Variants in PIK3CB observed in about 807,000 individuals in gnomAD.
PIK3CB encodes phosphatidylinositol-4,5-bisphosphate 3-kinase catalytic subunit beta, also known as phosphatidylinositol 4,5-bisphosphate 3-kinase catalytic subunit beta isoform.
PIK3CB carries 39 observed loss-of-function variants against 136.8 expected under a neutral mutation model. The ratio of observed to expected loss-of-function variants is 0.29; its 90% CI spans 0.22 to 0.37. The LOEUF is 0.37. Among genes scored for constraint, PIK3CB ranks in the 10% least tolerant of loss-of-function variants. The pLI is 1.00. For synonymous variants in PIK3CB, 428 were observed against 436.6 expected, an observed-to-expected ratio of 0.98 and a Z score of 0.25; for missense variants, 868 against 1,275.4, an observed-to-expected ratio of 0.68 and a Z score of 4.87.
At chr3:138,723,258 G>A (rs1340893094) in intron 8 of PIK3CB, among the ~76,000 whole-genome samples, 1 of 152,048 alleles carries the variant, frequency 6.6e-6, no homozygotes, top group Non-Finnish European at 1.5e-5. Flanking sequence ...TTTATTTAAA[G>A]TATGATTTAA....
chr3:138,770,606 A>C (rs997785914), intron 2 of PIK3CB: 22 of 151,868 alleles, frequency 1.4e-4, no homozygotes, highest in African/African-American at 5.1e-4. Flanking sequence ...GCTACTCGGG[A>C]GGGTGAGGCA....
intron 14 of PIK3CB, among the ~76,000 whole-genome samples, chr3:138,692,598 T>C (rs1221775193): frequency 6.6e-6 from 1 of 152,230 alleles, no homozygotes; most frequent in Non-Finnish European, 1.5e-5. Context: ...AGTATAGGAA[T>C]AGGAAGCTGT....
At chr3:138,709,331 A>G (rs2044446403) in intron 10 of PIK3CB, among the ~76,000 whole-genome samples, 1 of 152,138 alleles carries the variant, frequency 6.6e-6, no homozygotes, top group African/African-American at 2.4e-5. Context: ...ATGGGGGGAA[A>G]AACAGTTCTC....
Position 138,657,587 on chromosome 3 carries a change from T to G in PIK3CB, c.2942+103A>C, listed in dbSNP as rs1268567558. ...AAAAGCTTCCTATAATCAGACTGAA[T>G]ATCTCCCAGATCCAAATATATCTCA... On this transcript the variant is annotated intron_variant, in intron 22 of 23. Coordinates refer to ENST00000674063, the MANE Select transcript of PIK3CB (RefSeq NM_006219.3). 5.9e-6 allele frequency: 6 copies of G among 1,025,012 alleles called. No individual in the cohort carries two copies. The African/African-American group carries it at 9.9e-5, about 17-fold the overall frequency. The allele number at this position is 1,025,012 out of a possible 1,614,324, so 63.5% of individuals were successfully genotyped here.
At chr3:138,825,503 CA>C (rs1304805025) in intron 1 of PIK3CB, 18 of 687,580 alleles carry the variant, frequency 2.6e-5, no homozygotes, top group Admixed American at 1.3e-4. Flanking sequence ...AACCCCGACA[CA>C]GTAGCATTTG....
rs141078147 is a variant in PIK3CB at position 138,815,236 on chromosome 3, A to C, written c.-121-18669T>G. Reference sequence around the variant, plus strand: ...GTCTGGTGTGGTGGTGTATTCCTGCAGTCCCAGCTACTCTGGAGGCTCAGG... The same window carrying C: ...GTCTGGTGTGGTGGTGTATTCCTGCCGTCCCAGCTACTCTGGAGGCTCAGG... On this transcript the variant is annotated intron_variant, in intron 1 of 23. Transcript: ENST00000674063. Among the ~76,000 whole-genome samples the C allele has an allele frequency of 2.2e-3, 315 of 144,868 alleles. 2 individuals are homozygous for C. The highest frequency in any genetic ancestry group is 7.4e-3 in the African/African-American group (293 of 39,702).
chr3:138,806,687 A>C (rs1309941378), intron 1 of PIK3CB, among the ~76,000 whole-genome samples: 1 of 152,208 alleles, frequency 6.6e-6, no homozygotes, highest in Non-Finnish European at 1.5e-5. Context: ...AACAGAATGT[A>C]AATAGCTGGA....
chr3:138,787,652 T>C lies in PIK3CB; in HGVS notation c.-17+8811A>G, dbSNP rs548310250. On this transcript the variant is annotated intron_variant, in intron 2 of 23. Transcript: ENST00000674063. ...GTTAAGGTAGTACACAATCAATCAG[T>C]AAACACAAAAGTGAAAATTTCTCCA... Among the ~76,000 whole-genome samples the C allele has an allele frequency of 5.9e-5, 9 of 151,654 alleles. No homozygotes were observed. The East Asian group carries it at 1.7e-3, about 29-fold the overall frequency.
chr3:138,776,035 T>C (rs934800452), intron 2 of PIK3CB, among the ~76,000 whole-genome samples: 6 of 151,990 alleles, frequency 3.9e-5, no homozygotes, highest in Non-Finnish European at 8.8e-5. Flanking sequence ...CAGTCTCTAC[T>C]AAAAATACAA....
intron 4 of PIK3CB, among the ~76,000 whole-genome samples, chr3:138,748,127 G>C (rs149910267): frequency 0.013 from 1,905 of 147,372 alleles, 22 homozygotes; most frequent in South Asian, 0.022. Context: ...CTTTTTGGAG[G>C]GCAATTTTGC....
At chr3:138,748,923 T>C (rs957874941) in intron 4 of PIK3CB, among the ~76,000 whole-genome samples, 1 of 152,194 alleles carries the variant, frequency 6.6e-6, no homozygotes, top group Non-Finnish European at 1.5e-5. Context: ...TTGCATTGTC[T>C]TTTTACTTTT....
At chr3:138,751,222 G>T (rs2045465251) in intron 4 of PIK3CB, among the ~76,000 whole-genome samples, 1 of 152,090 alleles carries the variant, frequency 6.6e-6, no homozygotes, top group African/African-American at 2.4e-5. Flanking sequence ...ACTTTGGGAG[G>T]CCGAGGCGGG....
chr3:138,822,595 A>C (rs1933604368), intron 1 of PIK3CB, among the ~76,000 whole-genome samples: 1 of 151,120 alleles, frequency 6.6e-6, no homozygotes, highest in Non-Finnish European at 1.5e-5. Flanking sequence ...GTGGCTCAAC[A>C]CTTTGGGAGG....
chr3:138,678,052 C>A (rs189288495), intron 19 of PIK3CB, among the ~76,000 whole-genome samples: 22 of 152,078 alleles, frequency 1.4e-4, no homozygotes, highest in African/African-American at 5.1e-4. Context: ...GTGGGAGGAT[C>A]GCTTGAGGCC....
intron 8 of PIK3CB, among the ~76,000 whole-genome samples, chr3:138,729,186 C>T (rs1222768371): frequency 6.6e-6 from 1 of 151,342 alleles, no homozygotes; most frequent in Non-Finnish European, 1.5e-5. Flanking sequence ...GACACTGAGG[C>T]ATGAGAATCA....
At chr3:138,675,618 T>A (rs1017116150) in intron 19 of PIK3CB, among the ~76,000 whole-genome samples, 1 of 152,110 alleles carries the variant, frequency 6.6e-6, no homozygotes, top group Non-Finnish European at 1.5e-5. Flanking sequence ...TGATTTCTCA[T>A]GAGAAACCAG....
chr3:138,658,228 C>A (rs563319264), intron 21 of PIK3CB, among the ~76,000 whole-genome samples: 6 of 152,214 alleles, frequency 3.9e-5, no homozygotes, highest in African/African-American at 1.4e-4. Context: ...GCAGGAGGAT[C>A]ACTTGAAACC....
intron 1 of PIK3CB, among the ~76,000 whole-genome samples, chr3:138,809,561 G>A (rs1361515550): frequency 2.2e-5 from 3 of 137,886 alleles, no homozygotes; most frequent in African/African-American, 8.3e-5. Flanking sequence ...AGCCAAGATT[G>A]CACCATTGCA....
chr3:138,732,926 C>G (rs1197847705), intron 8 of PIK3CB, among the ~76,000 whole-genome samples: 1 of 151,634 alleles, frequency 6.6e-6, no homozygotes, highest in Non-Finnish European at 1.5e-5. Flanking sequence ...ATCTACTCTC[C>G]TAGCAAATTC....
Sources: gnomAD v4.1 joint callset for allele counts (sites outside exome capture counted in the v4.1 genomes callset) on GRCh38, gnomAD v4.1.1 for gene constraint, MANE v1.5 for transcripts, NCBI Gene and HGNC (gene_info 2026-07-23, HGNC 2026-07-21) for gene names.